ADCY1: variants seen among roughly 807,000 people sequenced by gnomAD.
ADCY1 encodes the protein adenylate cyclase type 1.
ADCY1 carries 28 observed loss-of-function variants against 105.4 expected under a neutral mutation model. The observed-to-expected ratio is 0.27, with a 90% confidence interval of 0.20 to 0.36. The LOEUF (loss-of-function observed/expected upper bound fraction) is 0.36, where lower values mean the gene tolerates loss of function less well. Ranked by LOEUF, ADCY1 falls within the 10% of genes least tolerant of loss-of-function variation. The pLI, the probability that ADCY1 is intolerant of heterozygous loss-of-function variation, is 1.00. For synonymous variants in ADCY1, 655 were observed against 623.8 expected (o/e 1.05, Z -0.75); for missense variants, 977 against 1,434.2 (o/e 0.68, Z 5.15).
rs1486018001 is a variant in ADCY1, at chr7:45,720,882, G to GT, written c.*6888dup. On this transcript the variant is annotated 3_prime_UTR_variant, in exon 20 of 20. Coordinates refer to ENST00000297323, the MANE Select transcript of ADCY1 (RefSeq NM_021116.4). ...TACTTCAAACAGCCCATGGAGGGAG[G>GT]TATTATTATACTCCTTATGTTGACA... 6.6e-6 allele frequency: 1 copy of GT among 152,148 alleles called. No homozygotes were observed. Among genetic ancestry groups the GT allele is most frequent in the Non-Finnish European group, 1.5e-5 (1 of 68,054 alleles). The allele number at this position is 152,148 out of a possible 1,614,324, so 9.4% of individuals were successfully genotyped here. A position where few individuals can be genotyped will look rare whatever the true frequency, so the allele number is the denominator to read the frequency against.
chr7:45,704,525 A>G lies in ADCY1; in HGVS notation c.2726A>G (p.Glu909Gly). ...TTTATGTTTTAAACAAAGCTCATGG[A>G]AAAAGACTTTTACAAGGACATAGAG... ...EIIADFDELMEKDFYKDIEKI... is the reference protein window; with the variant it reads ...EIIADFDELMGKDFYKDIEKI... The change falls in exon 17 of 20, where the codon GAA (glutamate) becomes GGA (glycine). Residue 909 changes from glutamate (E) to glycine (G), a missense_variant. By Grantham distance (98) the Glu-to-Gly change is moderately conservative (BLOSUM62 -2). Transcript: ENST00000297323. 6.2e-7 allele frequency: 1 copy of G among 1,613,722 alleles called. No individual in the cohort carries two copies. Among genetic ancestry groups the G allele is most frequent in the Non-Finnish European group, 8.5e-7 (1 of 1,179,714 alleles).
intron 5 of ADCY1, among the ~76,000 whole-genome samples, chr7:45,653,538 G>A (rs1324235138): frequency 6.6e-6 from 1 of 152,220 alleles, no homozygotes; most frequent in Non-Finnish European, 1.5e-5. Context: ...GCTTCCCAAT[G>A]TTCCCTCTCT....
At chr7:45,617,022 G>T (rs974688706) in intron 3 of ADCY1, among the ~76,000 whole-genome samples, 1 of 152,236 alleles carries the variant, frequency 6.6e-6, no homozygotes, top group Non-Finnish European at 1.5e-5. Flanking sequence ...CTGGGAGGCT[G>T]TAAGCAGGAA....
intron 3 of ADCY1, among the ~76,000 whole-genome samples, chr7:45,620,200 C>A (rs1395498636): frequency 6.6e-6 from 1 of 151,936 alleles, no homozygotes; most frequent in Non-Finnish European, 1.5e-5. Flanking sequence ...TAGTCGAAAT[C>A]ATAGAATTAA....
At chr7:45,577,236 G>T (rs1252914389) in intron 1 of ADCY1, among the ~76,000 whole-genome samples, 1 of 152,188 alleles carries the variant, frequency 6.6e-6, no homozygotes, top group Non-Finnish European at 1.5e-5. Context: ...CCCCCTGCAG[G>T]GTTGTAGTGA....
intron 8 of ADCY1, among the ~76,000 whole-genome samples, chr7:45,677,468 C>T (rs1784477645): frequency 1.3e-5 from 2 of 152,196 alleles, no homozygotes; most frequent in South Asian, 4.1e-4. Context: ...ACTCCGTTTG[C>T]CACCGTTTCT....
intron 6 of ADCY1, among the ~76,000 whole-genome samples, chr7:45,658,398 A>G (rs115590113): frequency 0.036 from 5,409 of 152,166 alleles, 145 homozygotes; most frequent in South Asian, 0.1. Context: ...ATGGCTGTGC[A>G]CCGTGGCAGG....
At chr7:45,684,923 A>C in intron 11 of ADCY1, 56 bp from the exon 12 acceptor site, 2 of 1,492,082 alleles carry the variant, frequency 1.3e-6, no homozygotes, top group Non-Finnish European at 1.9e-6. Flanking sequence ...TTAACTGTGC[A>C]CGTGAATCAC....
At chr7:45,659,641 G>T (rs959406834) in intron 6 of ADCY1, among the ~76,000 whole-genome samples, 1 of 152,160 alleles carries the variant, frequency 6.6e-6, no homozygotes, top group African/African-American at 2.4e-5. Flanking sequence ...CCCACTCCTT[G>T]TGCTGACCAG....
intron 4 of ADCY1, among the ~76,000 whole-genome samples, chr7:45,641,137 C>G (rs1398520924): frequency 3.3e-5 from 5 of 152,192 alleles, no homozygotes; most frequent in Non-Finnish European, 4.4e-5. Context: ...GTTCATGGAG[C>G]TGTGTATTCA....
intron 2 of ADCY1, among the ~76,000 whole-genome samples, chr7:45,602,377 C>T (rs926353509): frequency 6.6e-6 from 1 of 152,126 alleles, no homozygotes; most frequent in Non-Finnish European, 1.5e-5. Context: ...TGCAGCCTGT[C>T]CAGGAAGCCC....
intron 19 of ADCY1, among the ~76,000 whole-genome samples, chr7:45,711,607 GTATATATATATATATATATATATATATA>G (rs71030888): frequency 1.4e-5 from 1 of 70,820 alleles, no homozygotes; most frequent in African/African-American, 5.0e-5. Flanking sequence ...ACTTCGTGCT[GTATATATATATATATATATATATATATA>G]TATATATATA....
At chr7:45,669,000 A>C (rs1356230240) in intron 8 of ADCY1, among the ~76,000 whole-genome samples, 1 of 151,872 alleles carries the variant, frequency 6.6e-6, no homozygotes, top group Non-Finnish European at 1.5e-5. Flanking sequence ...TTTATATTGC[A>C]TCTATTTGAT....
chr7:45,597,843 TTC>T (rs1793120050), intron 2 of ADCY1, among the ~76,000 whole-genome samples: 1 of 152,238 alleles, frequency 6.6e-6, no homozygotes. Context: ...ATTGCACTAC[TTC>T]CTGTCTGTCT....
chr7:45,640,154 G>A (rs1794497551), intron 4 of ADCY1, among the ~76,000 whole-genome samples: 1 of 152,182 alleles, frequency 6.6e-6, no homozygotes, highest in Non-Finnish European at 1.5e-5. Flanking sequence ...TGGTGCAGTT[G>A]TTACTCAACT....
intron 4 of ADCY1, among the ~76,000 whole-genome samples, chr7:45,640,566 G>A (rs908619628): frequency 2.6e-5 from 4 of 152,172 alleles, no homozygotes; most frequent in Admixed American, 1.3e-4. Flanking sequence ...GCTCTGGCTT[G>A]TGGGTGTGAC....
chr7:45,711,882 A>G (rs1785248104), intron 19 of ADCY1, among the ~76,000 whole-genome samples: 1 of 112,094 alleles, frequency 8.9e-6, no homozygotes. Context: ...TTAAATATAT[A>G]AATATATTTA....
At chr7:45,642,842 G>T (rs894998092) in intron 4 of ADCY1, among the ~76,000 whole-genome samples, 2 of 152,076 alleles carry the variant, frequency 1.3e-5, no homozygotes, top group African/African-American at 4.8e-5. Flanking sequence ...CAAGGTGGAG[G>T]TTTTTAATTC....
At chr7:45,711,892 ATATAT>A (rs1293466699) in intron 19 of ADCY1, among the ~76,000 whole-genome samples, 2 of 93,078 alleles carry the variant, frequency 2.1e-5, no homozygotes, top group African/African-American at 3.8e-5. Context: ...AAATATATTT[ATATAT>A]TATATTAAAT....
Sources: allele counts gnomAD v4.1 joint callset (sites outside exome capture counted in the v4.1 genomes callset), GRCh38; gene constraint gnomAD v4.1.1; transcripts MANE v1.5; gene names NCBI Gene and HGNC (gene_info 2026-07-23, HGNC 2026-07-21).